The following RBM17 variants were observed in gnomAD, a reference collection of about 807,000 sequenced individuals.
The protein encoded by RBM17 is RNA binding motif protein 17.
A neutral mutation model predicts 53.2 loss-of-function variants in RBM17; 7 were observed. The ratio of observed to expected loss-of-function variants is 0.13; its 90% CI spans 0.07 to 0.25. RBM17 has a LOEUF of 0.25. RBM17 is among the 10% of genes least tolerant of loss of function. The pLI, the probability that RBM17 is intolerant of heterozygous loss-of-function variation, is 1.00. For missense variants in RBM17, 257 were observed against 496.7 expected (o/e 0.52, Z 4.59); for synonymous variants, 167 against 178.1 (o/e 0.94, Z 0.50).
Position 6,089,034 on chromosome 10 carries a change from A to C in RBM17, c.-178A>C, listed in dbSNP as rs1158144216. On this transcript the variant is annotated 5_prime_UTR_variant, in exon 1 of 12. Transcript: ENST00000379888. The surrounding 1 kb of genome is among the most constrained non-coding windows in gnomAD (Gnocchi z 5.6). ...GCAGGCGCGGGCGCGCTCTCCCGGC[A>C]GCCCGCGCTCCCTGACCCCGCGCCG... The C allele has an allele frequency of 6.6e-6, 1 of 150,846 alleles. No individual in the cohort carries two copies. Among genetic ancestry groups the C allele is most frequent in the East Asian group, 1.9e-4 (1 of 5,176 alleles). The allele number at this position is 150,846 out of a possible 1,614,324, so 9.3% of individuals were successfully genotyped here.
chr10:6,114,356 A>G (rs1403281586), intron 10 of RBM17: 2 of 423,368 alleles, frequency 4.7e-6, no homozygotes, highest in African/African-American at 2.0e-5. Context: ...AGAAACAGGA[A>G]TGCTTCATGA....
rs1376850145 is a variant in RBM17, at chr10:6,089,218, G to C, written c.-19+25G>C. The C allele has an allele frequency of 6.6e-6, 1 of 151,832 alleles. No individual in the cohort carries two copies. Among genetic ancestry groups the C allele is most frequent in the African/African-American group, 2.4e-5 (1 of 41,378 alleles). 9.4% of individuals were successfully genotyped at this position (151,832 alleles called of 1,614,324 possible). ...GGTAAGTGGCGCCCCGGCGGCCCCGGGTGGGTGGCCTGGCGGGACCTGAGG... is the reference window on the plus strand; with the variant it reads ...GGTAAGTGGCGCCCCGGCGGCCCCGCGTGGGTGGCCTGGCGGGACCTGAGG... On this transcript the variant is annotated intron_variant, in intron 1 of 11. Coordinates refer to ENST00000379888, the MANE Select transcript of RBM17 (RefSeq NM_032905.5). The surrounding 1 kb of genome is among the most constrained non-coding windows in gnomAD (Gnocchi z 5.6).
chr10:6,094,267 C>T (rs1242392942), intron 1 of RBM17, among the ~76,000 whole-genome samples: 2 of 152,118 alleles, frequency 1.3e-5, no homozygotes, highest in South Asian at 2.1e-4. Flanking sequence ...TGCGAGACAC[C>T]GCACCCGGCC....
At chr10:6,103,307 T>A (rs1840697335) in intron 3 of RBM17, among the ~76,000 whole-genome samples, 1 of 152,332 alleles carries the variant, frequency 6.6e-6, no homozygotes, top group South Asian at 2.1e-4. Flanking sequence ...TTAATTTTTT[T>A]AAATTGAACA....
intron 7 of RBM17, among the ~76,000 whole-genome samples, chr10:6,110,759 A>G (rs12241939): frequency 0.066 from 9,993 of 152,276 alleles, 548 homozygotes; most frequent in African/African-American, 0.13. Flanking sequence ...GCTGTGTTGC[A>G]TCTGCTGGCT....
At chr10:6,098,411 A>G (rs1840611065) in intron 2 of RBM17, among the ~76,000 whole-genome samples, 1 of 152,114 alleles carries the variant, frequency 6.6e-6, no homozygotes, top group South Asian at 2.1e-4. Flanking sequence ...ATTTACTTCT[A>G]AACAATTCAG....
rs187148958 is a variant in RBM17 at position 6,108,902 on chromosome 10, C to T, written c.562+160C>T. On this transcript the variant is annotated intron_variant, in intron 6 of 11. Coordinates refer to ENST00000379888, the MANE Select transcript of RBM17 (RefSeq NM_032905.5). ...GAGGCCGCACCTGGATCTCAGAATG[C>T]AGCGCCCTCCTGCAGAGAGAGACCT... Among the ~76,000 whole-genome samples the T allele has an allele frequency of 1.1e-4, 16 of 145,308 alleles. No homozygotes were observed. In the East Asian group the frequency reaches 3.2e-3, roughly 29 times the overall value.
rs1228072641 is a variant in RBM17 at position 6,091,037 on chromosome 10, AT to A, written c.-19+1849del. On this transcript the variant is annotated intron_variant, in intron 1 of 11. Coordinates refer to ENST00000379888, the MANE Select transcript of RBM17 (RefSeq NM_032905.5). Reference sequence around the variant, plus strand: ...TTTATATATTTATATATATTTATATATTTTTATATATATATTTATATACATA... The same window carrying A: ...TTTATATATTTATATATATTTATATATTTTATATATATATTTATATACATA... Among the ~76,000 whole-genome samples, 3 of 143,918 alleles carry A rather than the reference AT, an allele frequency of 2.1e-5. No homozygotes were observed. The Admixed American group carries it at 2.1e-4, about 10-fold the overall frequency. The allele number at this position is 143,918 out of a possible 152,430, so 94.4% of individuals were successfully genotyped here.
chr10:6,110,085 G>C lies in RBM17; in HGVS notation c.662G>C (p.Arg221Thr). 6.2e-7 allele frequency: 1 copy of C among 1,611,586 alleles called. No individual in the cohort carries two copies. The highest frequency in any genetic ancestry group is 8.5e-7 in the Non-Finnish European group (1 of 1,178,574). The stretch of plus-strand genomic sequence containing the variant: ...GTGTACGAGGAACAAGACAGACCGA[G>C]ATCTCCAACCGGACCTAGCAACTCC... ...PPVYEEQDRP[R>T]SPTGPSNSFL... The change falls in exon 7 of 12, where the codon AGA becomes ACA. Residue 221 changes from arginine (R) to threonine (T), a missense_variant. This residue lies in a region of RBM17 where 68 missense variants were observed against 60.0 expected (regional missense o/e 1.13). Transcript: ENST00000379888.
Position 6,108,753 on chromosome 10 carries a change from C to A in RBM17, c.562+11C>A. 1 of 1,600,646 alleles carries A rather than the reference C, an allele frequency of 6.2e-7. No homozygotes were observed. The highest frequency in any genetic ancestry group is 8.6e-7 in the Non-Finnish European group (1 of 1,168,604). On this transcript the variant is annotated intron_variant, in intron 6 of 11. Transcript: ENST00000379888. ...AGAAAGACAAAGAGTGTAAGTAGAT[C>A]TGTTTCTTCCTCTTTTATTCTGATA...
rs1840855595 is a variant in RBM17 at position 6,112,504 on chromosome 10, G to C, written c.856+143G>C. The C allele has an allele frequency of 1.0e-6, 1 of 956,520 alleles. No individual in the cohort carries two copies. The highest frequency in any genetic ancestry group is 1.4e-5 in the South Asian group (1 of 69,576). The allele number at this position is 956,520 out of a possible 1,614,324, so 59.3% of individuals were successfully genotyped here. ...GAGAGGGCTGGCCCTGCCATCACTA[G>C]AACACAGGCCGTCCTGTTCATATGA... On this transcript the variant is annotated intron_variant, in intron 8 of 11. Transcript: ENST00000379888. This position sits in a 1 kb window ranked among gnomAD's most constrained non-coding sequence, Gnocchi z 4.4.
In RBM17 at chr10:6,089,754, G is replaced by A. The variant is rs1840453503; in HGVS notation, c.-19+561G>A. 1.3e-5 allele frequency: 2 copies of A among 152,412 alleles called. No homozygotes were observed. The highest frequency in any genetic ancestry group is 4.8e-5 in the African/African-American group (2 of 41,454). 9.4% of individuals were successfully genotyped at this position (152,412 alleles called of 1,614,324 possible). A position where few individuals can be genotyped will look rare whatever the true frequency, so the allele number is the denominator to read the frequency against. On this transcript the variant is annotated intron_variant, in intron 1 of 11. Coordinates refer to ENST00000379888, the MANE Select transcript of RBM17 (RefSeq NM_032905.5). The surrounding 1 kb of genome is among the most constrained non-coding windows in gnomAD (Gnocchi z 5.6). ...GTTTGAGCGGTGTTTCAGCGCTCAC[G>A]TCCGACCCCAGGCAGTCTTTGAGCT...
At chr10:6,109,810 C>T in intron 6 of RBM17, among the ~76,000 whole-genome samples, 176 bp from the exon 7 acceptor site, 1 of 152,142 alleles carries the variant, frequency 6.6e-6, no homozygotes, top group East Asian at 1.9e-4. Flanking sequence ...AGCGTCCTCC[C>T]TCTGTGGTTT....
At chr10:6,091,795 T>C (rs9988772) in intron 1 of RBM17, among the ~76,000 whole-genome samples, 5,392 of 148,214 alleles carry the variant, frequency 0.036, 304 homozygotes, top group African/African-American at 0.13. Context: ...TGTGAAACAA[T>C]AGGCAGCATA....
In RBM17 at chr10:6,098,556, G is replaced by GTTTTT. The variant is rs1221504658; in HGVS notation, c.123+1370_123+1374dup. Reference sequence around the variant, plus strand: ...GTTTGAAAATTTCCGTAATACACAGGTTTTTTGTTTTTTTTTTTTTTTTTT... The same window carrying GTTTTT: ...GTTTGAAAATTTCCGTAATACACAGGTTTTTTTTTTTGTTTTTTTTTTTTTTTTTT... On this transcript the variant is annotated intron_variant, in intron 2 of 11. Transcript: ENST00000379888. Among the ~76,000 whole-genome samples, 62 of 87,970 alleles carry GTTTTT rather than the reference G, an allele frequency of 7.0e-4. 6 individuals are homozygous for GTTTTT. Among genetic ancestry groups the GTTTTT allele is most frequent in the African/African-American group, 1.7e-3 (42 of 24,782 alleles). 57.7% of individuals were successfully genotyped at this position (87,970 alleles called of 152,430 possible).
intron 1 of RBM17, among the ~76,000 whole-genome samples, chr10:6,096,191 A>T (rs58138632): frequency 0.033 from 5,056 of 151,646 alleles, 175 homozygotes; most frequent in African/African-American, 0.09. Context: ...TTTTTTTTTT[A>T]AAAAGTGGCA....
Position 6,116,992 on chromosome 10 carries a change from G to A in RBM17, c.*1436G>A, listed in dbSNP as rs1840928878. 6.6e-6 allele frequency: 1 copy of A among 152,204 alleles called. No homozygotes were observed. The highest frequency in any genetic ancestry group is 6.6e-5 in the Admixed American group (1 of 15,240). 9.4% of individuals were successfully genotyped at this position (152,204 alleles called of 1,614,324 possible). A position where few individuals can be genotyped will look rare whatever the true frequency, so the allele number is the denominator to read the frequency against. On this transcript the variant is annotated 3_prime_UTR_variant, in exon 12 of 12. Coordinates refer to ENST00000379888, the MANE Select transcript of RBM17 (RefSeq NM_032905.5). ...AGCCCTGGAACTTCAGTTATCTATG[G>A]AATTAGGCATACCATTCCTCAAGTG...
At chr10:6,110,263 C>G (rs1840817457) in intron 7 of RBM17, 136 bp downstream of exon 7, 2 of 600,954 alleles carry the variant, frequency 3.3e-6, no homozygotes, top group Admixed American at 4.0e-5. Context: ...GTACCTGCCT[C>G]AATCGTGTGG....
chr10:6,098,733 G>A (rs41295137), intron 2 of RBM17, among the ~76,000 whole-genome samples: 3,885 of 152,062 alleles, frequency 0.026, 105 homozygotes, highest in South Asian at 0.11. Flanking sequence ...CCACCACTGC[G>A]CCTGCGGTGT....
Sources: allele counts gnomAD v4.1 joint callset (sites outside exome capture counted in the v4.1 genomes callset), GRCh38; gene constraint gnomAD v4.1.1; regional missense constraint gnomAD v4.1.1; non-coding constraint Gnocchi (gnomAD v3.1); transcripts MANE v1.5; gene names NCBI Gene and HGNC (gene_info 2026-07-23, HGNC 2026-07-21).